The following KIF1A variants were observed in gnomAD, a reference collection of about 807,000 sequenced individuals.
KIF1A encodes the protein kinesin-like protein KIF1A.
A neutral mutation model predicts 227.3 loss-of-function variants in KIF1A; 46 were observed. The ratio of observed to expected loss-of-function variants is 0.20; its 90% CI spans 0.16 to 0.26. KIF1A has a LOEUF of 0.26. Ranked by LOEUF, KIF1A falls within the 10% of genes least tolerant of loss-of-function variation. The probability of loss-of-function intolerance (pLI) is 1.00; values close to 1 mark genes in which losing one functional copy is unlikely to be tolerated. For missense variants in KIF1A, 1,683 were observed against 2,485.9 expected (o/e 0.68, Z 6.87); for synonymous variants, 1,022 against 1,012.8 (o/e 1.01, Z -0.17).
chr2:240,786,219 C>T lies in KIF1A; in HGVS notation c.608+116G>A, dbSNP rs977114646. ...CCTCGGGCTCAGGAGGCCACACCTC[C>T]GCGGGGGCACAGATGGACCCTACCA... is the stretch of plus-strand genomic sequence containing the variant. On this transcript the variant is annotated intron_variant, in intron 6 of 48. Transcript: ENST00000498729. 72 of 1,034,182 alleles carry T rather than the reference C, an allele frequency of 7.0e-5. No individual in the cohort carries two copies. In the Middle Eastern group the frequency reaches 1.1e-3, roughly 16 times the overall value. The allele number at this position is 1,034,182 out of a possible 1,614,324, so 64.1% of individuals were successfully genotyped here. A position where few individuals can be genotyped will look rare whatever the true frequency, so the allele number is the denominator to read the frequency against.
Position 240,790,180 on chromosome 2 carries a change from C to T in KIF1A, c.107-868G>A, listed in dbSNP as rs190628519. On this transcript the variant is annotated intron_variant, in intron 2 of 48. Transcript: ENST00000498729. This position sits in a 1 kb window ranked among gnomAD's most constrained non-coding sequence, Gnocchi z 5.0. ...CCTCAGTGGCCGGAAGGACAGGACC[C>T]GCTGCCCCCTGGAACACTGTCTGAA... 1.2e-4 allele frequency among the ~76,000 whole-genome samples: 19 copies of T among 152,288 alleles called. No homozygotes were observed. The East Asian group carries it at 1.4e-3, about 11-fold the overall frequency.
intron 1 of KIF1A, among the ~76,000 whole-genome samples, chr2:240,802,914 G>C (rs978967063): frequency 6.6e-6 from 1 of 152,182 alleles, no homozygotes; most frequent in African/African-American, 2.4e-5. Flanking sequence ...CCAGGTGTGA[G>C]TCACCATGCC....
At chr2:240,813,486 C>G (rs1402393346) in intron 1 of KIF1A, among the ~76,000 whole-genome samples, 1 of 152,170 alleles carries the variant, frequency 6.6e-6, no homozygotes, top group Admixed American at 6.5e-5. Context: ...CCGCCATCCA[C>G]CCTCCGAGGG....
intron 1 of KIF1A, among the ~76,000 whole-genome samples, chr2:240,807,802 A>G (rs944444156): frequency 1.3e-5 from 2 of 152,224 alleles, no homozygotes; most frequent in African/African-American, 4.8e-5. Context: ...ATACAGTAAC[A>G]AATAAAAAGG....
upstream of KIF1A, among the ~76,000 whole-genome samples, chr2:240,821,277 G>A (rs1014461099): frequency 9.2e-5 from 14 of 152,228 alleles, no homozygotes; most frequent in Admixed American, 3.3e-4. Context: ...GCAGGGGCCT[G>A]CGCTGCCCTA....
intron 2 of KIF1A, among the ~76,000 whole-genome samples, chr2:240,795,172 C>T (rs549507198): frequency 3.9e-4 from 59 of 152,306 alleles, no homozygotes; most frequent in East Asian, 2.5e-3. Flanking sequence ...AGTGTAGGGG[C>T]TCCTGCATTT....
rs543022173 is a variant in KIF1A at position 240,740,847 on chromosome 2, C to G, written c.3749+422G>C. On this transcript the variant is annotated intron_variant, in intron 35 of 48. Transcript: ENST00000498729. This position sits in a 1 kb window ranked among gnomAD's most constrained non-coding sequence, Gnocchi z 6.1. ...CAGCTCCCAGCTGCCCCCAGGGCAC[C>G]AGGCAGACCCCCACTGGCCTCCACC... Among the ~76,000 whole-genome samples the G allele has an allele frequency of 6.6e-6, 1 of 152,090 alleles. No homozygotes were observed. Among genetic ancestry groups the G allele is most frequent in the African/African-American group, 2.4e-5 (1 of 41,412 alleles).
In KIF1A at chr2:240,792,372, A is replaced by G. The variant is rs2055821657; in HGVS notation, c.107-3060T>C. Among the ~76,000 whole-genome samples, 1 of 150,280 alleles carries G rather than the reference A, an allele frequency of 6.7e-6. No individual in the cohort carries two copies. The highest frequency in any genetic ancestry group is 2.5e-5 in the African/African-American group (1 of 40,782). On this transcript the variant is annotated intron_variant, in intron 2 of 48. Coordinates refer to ENST00000498729, the MANE Select transcript of KIF1A (RefSeq NM_001244008.2). The surrounding 1 kb of genome is among the most constrained non-coding windows in gnomAD (Gnocchi z 4.5). The stretch of plus-strand genomic sequence containing the variant: ...GCTGGGCTCCTCAGCCAGCCCCTTT[A>G]GGGCCCCCATCCCCTCCCACCCCAG...
At chr2:240,729,098 A>C (rs561031425) in intron 38 of KIF1A, among the ~76,000 whole-genome samples, 13 of 152,268 alleles carry the variant, frequency 8.5e-5, no homozygotes, top group Admixed American at 2.0e-4. Flanking sequence ...TGTCTGGTAC[A>C]CATCAGTGTA....
At chr2:240,754,005 G>A (rs564191944) in intron 27 of KIF1A, among the ~76,000 whole-genome samples, 1 of 152,310 alleles carries the variant, frequency 6.6e-6, no homozygotes, top group Non-Finnish European at 1.5e-5. Context: ...CACCTGCTTA[G>A]TTATCACAGC....
intron 1 of KIF1A, among the ~76,000 whole-genome samples, chr2:240,799,562 C>T (rs1575657278): frequency 6.6e-6 from 1 of 152,362 alleles, no homozygotes; most frequent in South Asian, 2.1e-4. Context: ...TCTCTTCTCA[C>T]AGCCAGGAGT....
chr2:240,801,542 A>G (rs1039945450), intron 1 of KIF1A, among the ~76,000 whole-genome samples: 3 of 152,244 alleles, frequency 2.0e-5, no homozygotes, highest in Admixed American at 2.0e-4. Context: ...TAGAAGGAGA[A>G]GAAATGGAAT....
chr2:240,725,265 G>T lies in KIF1A; in HGVS notation c.4256+6C>A. On this transcript the variant is annotated splice_donor_region_variant and intron_variant, in intron 40 of 48. Coordinates refer to ENST00000498729, the MANE Select transcript of KIF1A (RefSeq NM_001244008.2). The surrounding 1 kb of genome is among the most constrained non-coding windows in gnomAD (Gnocchi z 5.8). Reference sequence around the variant, plus strand: ...GTCCATGTGGTCCTCACCCCTGGGAGCTTACCTCTCTGAGGCCCGAAGGCT... The same window carrying T: ...GTCCATGTGGTCCTCACCCCTGGGATCTTACCTCTCTGAGGCCCGAAGGCT... The T allele has an allele frequency of 6.3e-7, 1 of 1,594,862 alleles. No homozygotes were observed. Among genetic ancestry groups the T allele is most frequent in the Non-Finnish European group, 8.5e-7 (1 of 1,171,432 alleles).
chr2:240,725,635 G>A lies in KIF1A; in HGVS notation c.4123-231C>T, dbSNP rs2045928017. 1.9e-6 allele frequency: 1 copy of A among 533,614 alleles called. No homozygotes were observed. Among genetic ancestry groups the A allele is most frequent in the African/African-American group, 1.9e-5 (1 of 52,242 alleles). The allele number at this position is 533,614 out of a possible 1,614,324, so 33.1% of individuals were successfully genotyped here. A position where few individuals can be genotyped will look rare whatever the true frequency, so the allele number is the denominator to read the frequency against. On this transcript the variant is annotated intron_variant, in intron 39 of 48. Coordinates refer to ENST00000498729, the MANE Select transcript of KIF1A (RefSeq NM_001244008.2). The surrounding 1 kb of genome is among the most constrained non-coding windows in gnomAD (Gnocchi z 5.8). ...TCTGTCCACCCCTGGGCTGCCTGAG[G>A]GACTGGTCTCCATGTGTGGGGACCC...
chr2:240,730,831 T>G (rs2046516607), intron 38 of KIF1A, among the ~76,000 whole-genome samples: 1 of 152,172 alleles, frequency 6.6e-6, no homozygotes, highest in Admixed American at 6.5e-5. Context: ...GGATGAAAGC[T>G]GGATGCAGCA....
intron 38 of KIF1A, among the ~76,000 whole-genome samples, chr2:240,729,840 C>T (rs1173348329): frequency 6.6e-6 from 1 of 152,220 alleles, no homozygotes; most frequent in East Asian, 1.9e-4. Context: ...GGGATGGGCC[C>T]TTTCCAGACC....
intron 2 of KIF1A, among the ~76,000 whole-genome samples, chr2:240,796,450 A>G (rs942517761): frequency 1.3e-5 from 2 of 152,124 alleles, no homozygotes; most frequent in Non-Finnish European, 2.9e-5. Flanking sequence ...CCACTTACGA[A>G]CGCACCTTTG....
In KIF1A at chr2:240,787,114, C is replaced by T. The variant is rs111269496; in HGVS notation, c.429+137G>A. 388 of 723,170 alleles carry T rather than the reference C, an allele frequency of 5.4e-4. 3 individuals carry two copies. The African/African-American group carries it at 5.8e-3, about 11-fold the overall frequency. 44.8% of individuals were successfully genotyped at this position (723,170 alleles called of 1,614,324 possible). On this transcript the variant is annotated intron_variant, in intron 5 of 48. Coordinates refer to ENST00000498729, the MANE Select transcript of KIF1A (RefSeq NM_001244008.2). ...GCCCTGCCCAGGCCCGCCGTCTTGC[C>T]TGCCACTTGGATGAGTGAGGGACAA...
At chr2:240,819,253 C>G (rs1429648297) in intron 1 of KIF1A, among the ~76,000 whole-genome samples, 3 of 152,202 alleles carry the variant, frequency 2.0e-5, no homozygotes, top group Non-Finnish European at 4.4e-5. Context: ...TTCGCGGCCA[C>G]TGTTCCTTCG....
Sources: gnomAD v4.1 joint callset for allele counts (sites outside exome capture counted in the v4.1 genomes callset) on GRCh38, gnomAD v4.1.1 for gene constraint, Gnocchi (gnomAD v3.1) non-coding constraint, MANE v1.5 for transcripts, NCBI Gene and HGNC (gene_info 2026-07-23, HGNC 2026-07-21) for gene names.